LIPJ: variants seen among roughly 807,000 people sequenced by gnomAD.
LIPJ encodes the protein lipase member J.
In LIPJ, 33 loss-of-function variants were observed where a neutral mutation model predicts 39.8. The ratio of observed to expected loss-of-function variants is 0.83; its 90% CI spans 0.63 to 1.11. The LOEUF (loss-of-function observed/expected upper bound fraction) is 1.11, where lower values mean the gene tolerates loss of function less well. Ranked by LOEUF, LIPJ falls within the 50% of genes least tolerant of loss-of-function variation. The probability of loss-of-function intolerance (pLI) is 0.00; values close to 1 mark genes in which losing one functional copy is unlikely to be tolerated. For synonymous variants in LIPJ, 128 were observed against 139.2 expected, an observed-to-expected ratio of 0.92 and a Z score of 0.57; for missense variants, 422 against 427.9, an observed-to-expected ratio of 0.99 and a Z score of 0.12.
chr10:88,596,225 C>A, intron 6 of LIPJ, 55 bp from the exon 7 acceptor site: 2 of 1,123,856 alleles, frequency 1.8e-6, no homozygotes, highest in Non-Finnish European at 2.4e-6. Context: ...TCATCTCTTA[C>A]ATGCTAGTAA....
At chr10:88,586,475 C>T (rs1288802835), upstream of LIPJ, among the ~76,000 whole-genome samples, 1 of 152,076 alleles carries the variant, frequency 6.6e-6, no homozygotes, top group Admixed American at 6.5e-5. Context: ...AGGCTGACTC[C>T]TTGAATGACT....
At position 88,605,197 on chromosome 10, in the gene LIPJ, G is replaced by A. The variant is rs183825974; in HGVS notation, c.796-436G>A. On this transcript the variant is annotated intron_variant, in intron 9 of 10. Transcript: ENST00000371939. Reference sequence around the variant, plus strand: ...AGAAAGTGGTGGTGAGGCTGTGAGTGTAAAGGGGTAAAGAAAAAAGTGACT... The same window carrying A: ...AGAAAGTGGTGGTGAGGCTGTGAGTATAAAGGGGTAAAGAAAAAAGTGACT... Among the ~76,000 whole-genome samples the A allele has an allele frequency of 1.1e-4, 16 of 152,248 alleles. No individual in the cohort carries two copies. The East Asian group carries it at 2.3e-3, about 22-fold the overall frequency.
intron 8 of LIPJ, among the ~76,000 whole-genome samples, chr10:88,601,636 T>A (rs1432949075): frequency 6.6e-6 from 1 of 152,222 alleles, no homozygotes; most frequent in Admixed American, 6.5e-5. Flanking sequence ...TGTATTTTTC[T>A]TCTCTTAAGG....
rs577326568 is a variant in LIPJ, at chr10:88,594,242, A to G, written c.329+98A>G. On this transcript the variant is annotated intron_variant, in intron 5 of 10. Coordinates refer to ENST00000371939, the Ensembl canonical transcript of LIPJ. ...AAATTTAGGTCTTACTATTTTCACAATTTAGGACTTTCCATAGACTATTAC... is the reference window on the plus strand; with the variant it reads ...AAATTTAGGTCTTACTATTTTCACAGTTTAGGACTTTCCATAGACTATTAC... 2.0e-4 allele frequency: 166 copies of G among 849,232 alleles called. No homozygotes were observed. In the Middle Eastern group the frequency reaches 3.3e-3, roughly 17 times the overall value. 52.6% of individuals were successfully genotyped at this position (849,232 alleles called of 1,614,324 possible).
chr10:88,598,148 T>C (rs1342974860), intron 8 of LIPJ, among the ~76,000 whole-genome samples: 4 of 151,976 alleles, frequency 2.6e-5, no homozygotes, highest in South Asian at 2.1e-4. Flanking sequence ...AAATAGTTAA[T>C]TGTGAAACTG....
chr10:88,603,888 C>T (rs370256292), intron 9 of LIPJ, among the ~76,000 whole-genome samples: 93 of 152,082 alleles, frequency 6.1e-4, no homozygotes, highest in African/African-American at 2.0e-3. Flanking sequence ...TCTGGTGATG[C>T]GTAGACTAGA....
chr10:88,583,260 G>T (rs1850768811), upstream of LIPJ: 20 of 1,589,560 alleles, frequency 1.3e-5, no homozygotes, highest in South Asian at 2.1e-4. Context: ...TTCTGGAAAG[G>T]CGGCCGAACC....
chr10:88,583,948 T>C (rs115677338), upstream of LIPJ: 1,076 of 161,832 alleles, frequency 6.6e-3, 17 homozygotes, highest in African/African-American at 0.025. Flanking sequence ...GCCATTGCCG[T>C]TGTTTTTTTC....
chr10:88,613,429 G>A, the LIPJ span, among the ~76,000 whole-genome samples: 1 of 151,952 alleles, frequency 6.6e-6, no homozygotes, highest in East Asian at 1.9e-4. Flanking sequence ...TGAGAGATGG[G>A]GAGGCGGGGA....
exon 5 of LIPJ, chr10:88,594,089 T>C: frequency 6.2e-7 from 1 of 1,611,986 alleles, no homozygotes; most frequent in Non-Finnish European, 8.5e-7. Context: ...AGGAAATACC[T>C]GGTCCAGGAA....
chr10:88,590,623 T>C, exon 3 of LIPJ: 1 of 1,302,882 alleles, frequency 7.7e-7, no homozygotes, highest in Non-Finnish European at 1.1e-6. Context: ...ATGTATTTTA[T>C]CCGAATTCTT....
the LIPJ span, among the ~76,000 whole-genome samples, chr10:88,617,510 G>T: frequency 1.3e-5 from 2 of 152,078 alleles, no homozygotes; most frequent in African/African-American, 4.8e-5. Flanking sequence ...ATCAGTTTTT[G>T]TCACTGACAT....
Position 88,605,575 on chromosome 10 carries a change from G to A in LIPJ, c.796-58G>A, listed in dbSNP as rs1851636505. Reference sequence around the variant, plus strand: ...TATATATGCATTGCATGCTTAACTTGCTCAGCTGCCACTGTAATGAACAAA... The same window carrying A: ...TATATATGCATTGCATGCTTAACTTACTCAGCTGCCACTGTAATGAACAAA... On this transcript the variant is annotated intron_variant, in intron 9 of 10. Coordinates refer to ENST00000371939, the Ensembl canonical transcript of LIPJ. The A allele has an allele frequency of 5.9e-6, 7 of 1,193,224 alleles. No individual in the cohort carries two copies. The South Asian group carries it at 7.4e-5, about 13-fold the overall frequency. The allele number at this position is 1,193,224 out of a possible 1,614,324, so 73.9% of individuals were successfully genotyped here. A position where few individuals can be genotyped will look rare whatever the true frequency, so the allele number is the denominator to read the frequency against.
chr10:88,583,378 C>A (rs1411944903), upstream of LIPJ: 3 of 1,389,566 alleles, frequency 2.2e-6, no homozygotes, highest in Non-Finnish European at 2.8e-6. Context: ...CTGAGAGGCC[C>A]CTCCGTCCTT....
intron 3 of LIPJ, among the ~76,000 whole-genome samples, chr10:88,591,017 A>G (rs1199962146): frequency 1.3e-5 from 2 of 151,888 alleles, no homozygotes. Context: ...ATAGACATGC[A>G]AACATTTATG....
intron 1 of LIPJ, 159 bp from the exon 2 acceptor site, chr10:88,587,107 C>T (rs41308679): frequency 4.0e-5 from 6 of 151,582 alleles, no homozygotes; most frequent in East Asian, 3.9e-4. Context: ...TGGACACTAG[C>T]GGGAAACTAT....
At chr10:88,612,965 A>C in the LIPJ span, among the ~76,000 whole-genome samples, 1 of 152,250 alleles carries the variant, frequency 6.6e-6, no homozygotes, top group Admixed American at 6.5e-5. Context: ...AACATTCTTC[A>C]AGATAGACCA....
the LIPJ span, among the ~76,000 whole-genome samples, chr10:88,620,653 G>A: frequency 1.3e-5 from 2 of 152,156 alleles, no homozygotes; most frequent in East Asian, 3.8e-4. Flanking sequence ...CCAAGTGTTA[G>A]TAAGAATGCA....
intron 8 of LIPJ, among the ~76,000 whole-genome samples, chr10:88,597,552 T>C (rs919393706): frequency 1.2e-4 from 18 of 151,824 alleles, no homozygotes; most frequent in African/African-American, 4.3e-4. Flanking sequence ...GGACTAGAGG[T>C]TGGTTCTTGT....
Sources: gnomAD v4.1 joint callset for allele counts (sites outside exome capture counted in the v4.1 genomes callset) on GRCh38, gnomAD v4.1.1 for gene constraint, MANE v1.5 for transcripts, NCBI Gene and HGNC (gene_info 2026-07-23, HGNC 2026-07-21) for gene names.